C21orf58: variants seen among roughly 807,000 people sequenced by gnomAD.
C21orf58 encodes the protein uncharacterized protein C21orf58.
In C21orf58, 34 loss-of-function variants were observed where a neutral mutation model predicts 35.8. The ratio of observed to expected loss-of-function variants is 0.95; its 90% confidence interval spans 0.72 to 1.26. The LOEUF (loss-of-function observed/expected upper bound fraction) is 1.26. Among genes scored for constraint, C21orf58 ranks in the 50% most tolerant of loss-of-function variants. C21orf58 has a pLI of 0.00. For missense variants in C21orf58, 440 were observed against 414.3 expected, an observed-to-expected ratio of 1.06 and a Z score of -0.54; for synonymous variants, 191 against 175.8, an observed-to-expected ratio of 1.09 and a Z score of -0.68.
chr21:46,303,016 T>C (rs2082195881), intron 6 of C21orf58, among the ~76,000 whole-genome samples: 1 of 151,634 alleles, frequency 6.6e-6, no homozygotes, highest in South Asian at 2.1e-4. Flanking sequence ...ATACAAAAAT[T>C]AGCCAGGCGT....
intron 4 of C21orf58, 127 bp from the exon 5 acceptor site, chr21:46,315,007 G>T: frequency 6.5e-7 from 1 of 1,549,194 alleles, no homozygotes; most frequent in South Asian, 1.2e-5. Flanking sequence ...GGATGGCCAT[G>T]ACTGGAAGAC....
At chr21:46,317,878 T>C in intron 2 of C21orf58, 134 bp downstream of exon 2, 3 of 928,660 alleles carry the variant, frequency 3.2e-6, no homozygotes, top group South Asian at 1.7e-5. Context: ...TGAGGATGGG[T>C]CCGCTGGGCT....
chr21:46,310,497 TAA>T (rs1219041481), intron 6 of C21orf58, among the ~76,000 whole-genome samples: 1 of 127,348 alleles, frequency 7.9e-6, no homozygotes. Context: ...AAAATAAAAA[TAA>T]AAAAAAAAAA....
At chr21:46,311,766 T>TCCAC in intron 5 of C21orf58, 199 bp from the exon 6 acceptor site, 1 of 366,084 alleles carries the variant, frequency 2.7e-6, no homozygotes, top group South Asian at 5.4e-5. Context: ...CATCCACCCA[T>TCCAC]CCATCCACCC....
intron 6 of C21orf58, among the ~76,000 whole-genome samples, chr21:46,303,634 T>C (rs2082224199): frequency 1.5e-5 from 2 of 136,950 alleles, no homozygotes; most frequent in Admixed American, 7.8e-5. Context: ...GGAGAAGTCC[T>C]TGAGACCAGG....
intron 3 of C21orf58, among the ~76,000 whole-genome samples, chr21:46,316,185 G>A (rs1216200651): frequency 6.6e-6 from 1 of 152,052 alleles, no homozygotes; most frequent in Non-Finnish European, 1.5e-5. Flanking sequence ...GCCAGGTGCA[G>A]TGAGTCACAC....
At chr21:46,315,619 G>C (rs1188839496) in intron 3 of C21orf58, 72 bp from the exon 4 acceptor site, 2 of 992,072 alleles carry the variant, frequency 2.0e-6, no homozygotes, top group African/African-American at 1.6e-5. Context: ...GGACTGGATG[G>C]TACTGCACCC....
chr21:46,305,858 C>T (rs1415554584), intron 6 of C21orf58, among the ~76,000 whole-genome samples: 1 of 151,924 alleles, frequency 6.6e-6, no homozygotes, highest in East Asian at 1.9e-4. Context: ...AGGAGAATGG[C>T]GTGAACCTGG....
At position 46,301,527 on chromosome 21, in the gene C21orf58, C is replaced by T. The variant is rs926796940; in HGVS notation, c.*472G>A. 98 of 985,948 alleles carry T rather than the reference C, an allele frequency of 9.9e-5. No individual in the cohort carries two copies. The highest frequency in any genetic ancestry group is 5.5e-4 in the Admixed American group (9 of 16,294). The allele number at this position is 985,948 out of a possible 1,614,324, so 61.1% of individuals were successfully genotyped here. A position where few individuals can be genotyped will look rare whatever the true frequency, so the allele number is the denominator to read the frequency against. ...TTAGACTTTGTGGTATTTTCCCCAT[C>T]AGGATGTTCACACTTCCATGTGGCT... On this transcript the variant is annotated 3_prime_UTR_variant, in exon 8 of 8. Transcript: ENST00000291691.
At chr21:46,314,610 G>A in intron 5 of C21orf58, 106 bp downstream of exon 5, 1 of 915,392 alleles carries the variant, frequency 1.1e-6, no homozygotes, top group Non-Finnish European at 1.6e-6. Flanking sequence ...GGATGGGGGT[G>A]ACGAGGCAAC....
chr21:46,302,517 A>G lies in C21orf58; in HGVS notation c.781T>C (p.Trp261Arg), dbSNP rs770649978. 2.5e-6 allele frequency: 4 copies of G among 1,612,452 alleles called. No homozygotes were observed. Among genetic ancestry groups the G allele is most frequent in the Non-Finnish European group, 3.4e-6 (4 of 1,179,316 alleles). ...AQVHQLVLQN[W>R]MLKALPPALQ... is the part of the protein sequence containing the mutation. ...GCTGGGGGCAGGGCCTTGAGCATCCAGTTCTGCAGGACCAACTGGTGCACC... is the reference window on the plus strand; with the variant it reads ...GCTGGGGGCAGGGCCTTGAGCATCCGGTTCTGCAGGACCAACTGGTGCACC... The change falls in exon 7 of 8, where the codon TGG (tryptophan) becomes CGG (arginine). Residue 261 changes from tryptophan to arginine, a missense_variant. Trp to Arg is a moderately radical substitution (Grantham distance 101). Transcript: ENST00000291691.
At chr21:46,306,230 C>T (rs948625860) in intron 6 of C21orf58, among the ~76,000 whole-genome samples, 5 of 152,034 alleles carry the variant, frequency 3.3e-5, no homozygotes, top group East Asian at 1.9e-4. Context: ...AAGGTAGGGC[C>T]GGGCATGGTG....
Position 46,318,051 on chromosome 21 carries a change from T to A in C21orf58, c.270A>T (p.Ala90=). The stretch of plus-strand genomic sequence containing the variant: ...TCAGCGTCAGTCGGGTCACTTGCTC[T>A]GCTGCTGATGAGTCCAGCATGGTGG... ...AAPTMLDSSA[A]EQVTRLTLKL... Residue 90 remains alanine (A), a synonymous_variant, in exon 2 of 8, where the codon GCA becomes GCT. Coordinates refer to ENST00000291691, the MANE Select transcript of C21orf58 (RefSeq NM_058180.5). 1 of 1,613,466 alleles carries A rather than the reference T, an allele frequency of 6.2e-7. No homozygotes were observed. The highest frequency in any genetic ancestry group is 8.5e-7 in the Non-Finnish European group (1 of 1,179,994).
In C21orf58 at chr21:46,301,458, A is replaced by G; in HGVS notation, c.*541T>C. 2.1e-6 allele frequency: 2 copies of G among 951,168 alleles called. No homozygotes were observed. Among genetic ancestry groups the G allele is most frequent in the Non-Finnish European group, 2.4e-6 (2 of 817,810 alleles). The allele number at this position is 951,168 out of a possible 1,614,324, so 58.9% of individuals were successfully genotyped here. On this transcript the variant is annotated 3_prime_UTR_variant, in exon 8 of 8. Coordinates refer to ENST00000291691, the MANE Select transcript of C21orf58 (RefSeq NM_058180.5). ...CATGCACCCCTACTTCTTTAGTGGG[A>G]GTCTGTGCCACAGCTGTGGACACAG...
chr21:46,309,457 G>A (rs1271016177), intron 6 of C21orf58, among the ~76,000 whole-genome samples: 8 of 143,668 alleles, frequency 5.6e-5, no homozygotes, highest in African/African-American at 2.1e-4. Flanking sequence ...GCAAGACTCC[G>A]TCTCAAAAAA....
At chr21:46,318,844 C>T (rs760250255) in intron 1 of C21orf58, 18 of 987,222 alleles carry the variant, frequency 1.8e-5, no homozygotes, top group Non-Finnish European at 2.2e-5. Flanking sequence ...CAGAGGGTGA[C>T]GCAAAACAGG....
At chr21:46,315,615 G>T in intron 3 of C21orf58, 68 bp from the exon 4 acceptor site, 1 of 1,025,064 alleles carries the variant, frequency 9.8e-7, no homozygotes, top group South Asian at 1.3e-5. Context: ...ACTCGGACTG[G>T]ATGGTACTGC....
At chr21:46,315,784 G>A (rs1369331709) in intron 3 of C21orf58, among the ~76,000 whole-genome samples, 2 of 152,188 alleles carry the variant, frequency 1.3e-5, no homozygotes, top group Non-Finnish European at 2.9e-5. Context: ...CTCAGTGCTG[G>A]AGGATGGTCA....
At chr21:46,315,639 G>C in intron 3 of C21orf58, 92 bp from the exon 4 acceptor site, 2 of 829,900 alleles carry the variant, frequency 2.4e-6, no homozygotes, top group Non-Finnish European at 4.1e-6. Context: ...CATGTCGGAA[G>C]GCCCTGCCTC....
Sources: allele counts gnomAD v4.1 joint callset (sites outside exome capture counted in the v4.1 genomes callset), GRCh38; gene constraint gnomAD v4.1.1; transcripts MANE v1.5; gene names NCBI Gene and HGNC (gene_info 2026-07-23, HGNC 2026-07-21).